Variants in RBFOX1 observed in about 807,000 individuals in gnomAD.
RBFOX1 encodes RNA binding fox-1 homolog 1, also known as RNA binding protein fox-1 homolog 1.
RBFOX1 carries 8 observed loss-of-function variants against 57.7 expected under a neutral mutation model. The observed-to-expected ratio is 0.14, with a 90% CI of 0.08 to 0.25. The LOEUF is 0.25. RBFOX1 is among the 10% of genes least tolerant of loss of function. The probability of loss-of-function intolerance (pLI) is 1.00; values close to 1 mark genes in which losing one functional copy is unlikely to be tolerated. For synonymous variants in RBFOX1, 326 were observed against 222.4 expected, an observed-to-expected ratio of 1.47 and a Z score of -4.15; for missense variants, 611 against 548.5, an observed-to-expected ratio of 1.11 and a Z score of -1.14.
chr16:6,854,056 C>A (rs948875726), intron 3 of RBFOX1, among the ~76,000 whole-genome samples: 6 of 152,110 alleles, frequency 3.9e-5, no homozygotes, highest in Non-Finnish European at 8.8e-5. Flanking sequence ...AGTCTTTGTT[C>A]CTTCCAGAAA....
chr16:7,673,597 G>GACCTCAAA (rs2072304681), intron 13 of RBFOX1, among the ~76,000 whole-genome samples: 1 of 152,084 alleles, frequency 6.6e-6, no homozygotes, highest in Non-Finnish European at 1.5e-5. Flanking sequence ...GTGCTTAATG[G>GACCTCAAA]GTAACTACCT....
At position 7,104,931 on chromosome 16, in the gene RBFOX1, CTCTGTGCTTGTGTGTGTGTGCACGTGCT is replaced by C. The variant is rs149455856; in HGVS notation, c.27+52853_27+52880del. 9.7e-3 allele frequency among the ~76,000 whole-genome samples: 1,480 copies of C among 152,188 alleles called. 20 individuals carry two copies. The highest frequency in any genetic ancestry group is 0.034 in the African/African-American group (1,404 of 41,508). On this transcript the variant is annotated intron_variant, in intron 4 of 15. Coordinates refer to ENST00000550418, the MANE Select transcript of RBFOX1 (RefSeq NM_018723.4). ...ATATTCAGAAAATATACTCAGAAATCTCTGTGCTTGTGTGTGTGTGCACGTGCTTCTGTGCTTGTGTGTGTGTCTTTAT... is the reference window on the plus strand; with the variant it reads ...ATATTCAGAAAATATACTCAGAAATCTCTGTGCTTGTGTGTGTGTCTTTAT...
In RBFOX1 at chr16:7,358,864, C is replaced by T. The variant is rs187597099; in HGVS notation, c.28-159283C>T. Among the ~76,000 whole-genome samples the T allele has an allele frequency of 9.2e-5, 14 of 152,286 alleles. No homozygotes were observed. In the East Asian group the frequency reaches 2.7e-3, roughly 29 times the overall value. On this transcript the variant is annotated intron_variant, in intron 4 of 15. Transcript: ENST00000550418. ...TATCTACATAATACGAGAGAAGTAA[C>T]TTTCTAAGGACAAGACATGAGACAG...
At chr16:5,452,116 C>CTTTTTT (rs148215801) in intron 1 of RBFOX1, among the ~76,000 whole-genome samples, 1 of 108,110 alleles carries the variant, frequency 9.2e-6, no homozygotes, top group Non-Finnish European at 1.8e-5. Context: ...CTCTCTCTCT[C>CTTTTTT]TTTTTTTTTT....
chr16:5,710,880 G>A (rs756426351), intron 3 of RBFOX1, among the ~76,000 whole-genome samples: 8 of 152,206 alleles, frequency 5.3e-5, no homozygotes, highest in African/African-American at 1.7e-4. Flanking sequence ...GGGATGACGG[G>A]TCCTCTTTGT....
chr16:6,557,046 C>CAT (rs543920460), intron 2 of RBFOX1, among the ~76,000 whole-genome samples: 1 of 126,662 alleles, frequency 7.9e-6, no homozygotes, highest in African/African-American at 3.7e-5. Flanking sequence ...CATATATATA[C>CAT]ATATATATAC....
At chr16:6,613,855 T>G (rs1166043943) in intron 2 of RBFOX1, among the ~76,000 whole-genome samples, 1 of 152,108 alleles carries the variant, frequency 6.6e-6, no homozygotes, top group African/African-American at 2.4e-5. Context: ...GGAGAATCAC[T>G]TGAATCTGGG....
At chr16:6,580,761 A>G (rs1355432018) in intron 2 of RBFOX1, among the ~76,000 whole-genome samples, 2 of 152,190 alleles carry the variant, frequency 1.3e-5, no homozygotes, top group Non-Finnish European at 2.9e-5. Flanking sequence ...CTGGCCCCAC[A>G]AAGCTAATGA....
At chr16:6,593,887 C>T (rs2097750482) in intron 2 of RBFOX1, among the ~76,000 whole-genome samples, 1 of 152,178 alleles carries the variant, frequency 6.6e-6, no homozygotes, top group Non-Finnish European at 1.5e-5. Context: ...GTTTAAAGTG[C>T]TTGTCTCTCA....
intron 4 of RBFOX1, among the ~76,000 whole-genome samples, chr16:5,908,062 GTGTGTATGTATA>G (rs1319303286): frequency 9.4e-6 from 1 of 105,940 alleles, no homozygotes; most frequent in Non-Finnish European, 2.0e-5. Context: ...ATGTATGTAT[GTGTGTATGTATA>G]TATATATATA....
chr16:7,269,442 G>T (rs895941095), intron 4 of RBFOX1, among the ~76,000 whole-genome samples: 3 of 152,088 alleles, frequency 2.0e-5, no homozygotes, highest in African/African-American at 7.2e-5. Context: ...GTCTCTGTGT[G>T]TGTGTATGTG....
At chr16:7,283,201 G>C (rs1328714731) in intron 4 of RBFOX1, among the ~76,000 whole-genome samples, 1 of 151,872 alleles carries the variant, frequency 6.6e-6, no homozygotes, top group African/African-American at 2.4e-5. Context: ...GGTGGGTTAA[G>C]CATTTTGACT....
intron 1 of RBFOX1, among the ~76,000 whole-genome samples, chr16:6,098,256 A>C (rs2096267665): frequency 6.6e-6 from 1 of 152,186 alleles, no homozygotes; most frequent in African/African-American, 2.4e-5. Context: ...CAGCAGTGCC[A>C]AGGGGCTGTG....
intron 4 of RBFOX1, among the ~76,000 whole-genome samples, chr16:7,086,699 A>C (rs1304965262): frequency 2.1e-5 from 1 of 48,576 alleles, no homozygotes; most frequent in African/African-American, 1.0e-4. Flanking sequence ...TGCGATTGCA[A>C]AGAGAGGGAG....
At chr16:6,762,529 C>T (rs11077086) in intron 3 of RBFOX1, among the ~76,000 whole-genome samples, 40,241 of 151,954 alleles carry the variant, frequency 0.26, 6,854 homozygotes, top group Non-Finnish European at 0.38. Flanking sequence ...ACAAGGTATA[C>T]GCCCACGGTC....
At chr16:6,496,689 G>A (rs1454106659) in intron 2 of RBFOX1, among the ~76,000 whole-genome samples, 10 of 152,158 alleles carry the variant, frequency 6.6e-5, no homozygotes. Flanking sequence ...GCCGGGCACG[G>A]TGTCTCATGC....
chr16:5,962,473 A>G (rs1416439282), intron 4 of RBFOX1, among the ~76,000 whole-genome samples: 1 of 152,190 alleles, frequency 6.6e-6, no homozygotes, highest in Non-Finnish European at 1.5e-5. Context: ...ATTATGTGGC[A>G]TGCCTTTCTC....
At chr16:7,055,720 C>G (rs2051955936) in intron 4 of RBFOX1, among the ~76,000 whole-genome samples, 1 of 152,190 alleles carries the variant, frequency 6.6e-6, no homozygotes, top group Admixed American at 6.5e-5. Context: ...GCATCAGGCA[C>G]ATTGTTACCT....
intron 13 of RBFOX1, among the ~76,000 whole-genome samples, chr16:7,668,323 T>A (rs1234016013): frequency 6.6e-6 from 1 of 152,140 alleles, no homozygotes; most frequent in East Asian, 1.9e-4. Flanking sequence ...TCAAATGACC[T>A]CCTTCTGAAA....
Sources: gnomAD v4.1 joint callset for allele counts (sites outside exome capture counted in the v4.1 genomes callset) on GRCh38, gnomAD v4.1.1 for gene constraint, MANE v1.5 for transcripts, NCBI Gene and HGNC (gene_info 2026-07-23, HGNC 2026-07-21) for gene names.